B4GALT6: variants seen among roughly 807,000 people sequenced by gnomAD.
B4GALT6 encodes the protein beta-1,4-galactosyltransferase 6.
B4GALT6 carries 14 observed loss-of-function variants against 46.3 expected under a neutral mutation model. That is an observed-to-expected ratio of 0.30 (90% CI 0.20 to 0.47). The LOEUF is 0.47. Ranked by LOEUF, B4GALT6 falls within the 20% of genes least tolerant of loss-of-function variation. The probability of loss-of-function intolerance (pLI) is 0.99; values close to 1 mark genes in which losing one functional copy is unlikely to be tolerated. For missense variants in B4GALT6, 386 were observed against 480.1 expected, an observed-to-expected ratio of 0.80 and a Z score of 1.83; for synonymous variants, 168 against 162.0, an observed-to-expected ratio of 1.04 and a Z score of -0.28.
At chr18:31,638,118 C>T (rs2073883636) in intron 5 of B4GALT6, among the ~76,000 whole-genome samples, 1 of 152,110 alleles carries the variant, frequency 6.6e-6, no homozygotes, top group African/African-American at 2.4e-5. Flanking sequence ...TAAAATATAA[C>T]GAGGCTGTCA....
At chr18:31,678,931 T>C (rs926012532) in intron 1 of B4GALT6, among the ~76,000 whole-genome samples, 5 of 152,228 alleles carry the variant, frequency 3.3e-5, no homozygotes, top group Non-Finnish European at 5.9e-5. Flanking sequence ...CAGGACAACC[T>C]GTGAGAAACA....
intron 2 of B4GALT6, among the ~76,000 whole-genome samples, chr18:31,659,977 G>T (rs1348336067): frequency 2.1e-5 from 3 of 139,896 alleles, no homozygotes; most frequent in Non-Finnish European, 4.6e-5. Flanking sequence ...TTTTGAGACA[G>T]GATCTTGCTG....
At position 31,625,499 on chromosome 18, in the gene B4GALT6, G is replaced by T; in HGVS notation, c.*115C>A. 2.6e-6 allele frequency: 3 copies of T among 1,156,954 alleles called. No homozygotes were observed. Among genetic ancestry groups the T allele is most frequent in the Non-Finnish European group, 3.8e-6 (3 of 790,606 alleles). 71.7% of individuals were successfully genotyped at this position (1,156,954 alleles called of 1,614,324 possible). A position where few individuals can be genotyped will look rare whatever the true frequency, so the allele number is the denominator to read the frequency against. On this transcript the variant is annotated 3_prime_UTR_variant, in exon 9 of 9. Transcript: ENST00000306851. ...ACTCTGTAAACACTGTGGACTGCTG[G>T]CTCTTCTCAGAGAAAAGGGCACTGT... is the stretch of plus-strand genomic sequence containing the variant.
Position 31,631,200 on chromosome 18 carries a change from C to CTTTTTT in B4GALT6, c.589-60_589-55dup, listed in dbSNP as rs10657836. ...TAGAAATGTACTCACACTTCATCAT[C>CTTTTTT]TTTTTTTTTTTTTTTCTTTTTTTTG... On this transcript the variant is annotated intron_variant, in intron 5 of 8. Coordinates refer to ENST00000306851, the MANE Select transcript of B4GALT6 (RefSeq NM_004775.5). 4.0e-4 allele frequency: 457 copies of CTTTTTT among 1,148,518 alleles called. 1 individual carries two copies. In the African/African-American group the frequency reaches 7.5e-3, roughly 19 times the overall value. 71.1% of individuals were successfully genotyped at this position (1,148,518 alleles called of 1,614,324 possible). A position where few individuals can be genotyped will look rare whatever the true frequency, so the allele number is the denominator to read the frequency against.
chr18:31,669,376 C>T (rs1203836463), intron 1 of B4GALT6, among the ~76,000 whole-genome samples: 1 of 152,192 alleles, frequency 6.6e-6, no homozygotes, highest in Admixed American at 6.5e-5. Context: ...GCTGCCAGAG[C>T]AAGCACTCCC....
At chr18:31,714,178 T>C in the B4GALT6 span, among the ~76,000 whole-genome samples, 2 of 152,360 alleles carry the variant, frequency 1.3e-5, no homozygotes, top group East Asian at 1.9e-4. Context: ...TCAGTTGCAC[T>C]AGCCACATTT....
intron 4 of B4GALT6, among the ~76,000 whole-genome samples, chr18:31,640,513 A>G (rs1309674428): frequency 6.6e-6 from 1 of 152,228 alleles, no homozygotes; most frequent in Non-Finnish European, 1.5e-5. Flanking sequence ...CTGATGGGAT[A>G]GCAAAAACAA....
At chr18:31,678,599 T>G (rs1462996154) in intron 1 of B4GALT6, among the ~76,000 whole-genome samples, 1 of 152,246 alleles carries the variant, frequency 6.6e-6, no homozygotes, top group Non-Finnish European at 1.5e-5. Context: ...TTTCGGCAAG[T>G]GGCCATCTTC....
intron 4 of B4GALT6, among the ~76,000 whole-genome samples, chr18:31,644,625 G>A (rs1287174736): frequency 2.6e-5 from 4 of 152,190 alleles, no homozygotes; most frequent in South Asian, 4.1e-4. Context: ...AGTAACATTA[G>A]ATGAATATGC....
chr18:31,647,931 C>T (rs1174613001), intron 3 of B4GALT6, among the ~76,000 whole-genome samples: 1 of 152,142 alleles, frequency 6.6e-6, no homozygotes, highest in Non-Finnish European at 1.5e-5. Flanking sequence ...ATCTCTTTCG[C>T]GTACTCTTTT....
At chr18:31,691,290 T>TAC in the B4GALT6 span, among the ~76,000 whole-genome samples, 4 of 118,328 alleles carry the variant, frequency 3.4e-5, no homozygotes, top group African/African-American at 1.6e-4. Context: ...TACATAATTT[T>TAC]ACATATATAT....
At chr18:31,720,695 C>T in the B4GALT6 span, among the ~76,000 whole-genome samples, 4 of 152,274 alleles carry the variant, frequency 2.6e-5, no homozygotes, top group African/African-American at 7.2e-5. Flanking sequence ...TGAATTGGCA[C>T]GTGTGTCACC....
the B4GALT6 span, among the ~76,000 whole-genome samples, chr18:31,698,115 C>G: frequency 6.6e-6 from 1 of 152,186 alleles, no homozygotes; most frequent in African/African-American, 2.4e-5. Flanking sequence ...CTCTGCCTGT[C>G]TTTTGCCTTC....
chr18:31,648,107 C>A (rs1175489186), intron 3 of B4GALT6, among the ~76,000 whole-genome samples: 2 of 152,146 alleles, frequency 1.3e-5, no homozygotes, highest in Admixed American at 6.5e-5. Context: ...GCTGAGATTT[C>A]AAGGGCAACT....
chr18:31,664,114 GTTC>G (rs1158674581), intron 2 of B4GALT6, among the ~76,000 whole-genome samples: 1 of 152,202 alleles, frequency 6.6e-6, no homozygotes, highest in African/African-American at 2.4e-5. Context: ...TACCTTATTT[GTTC>G]TTCTTTGTTC....
At chr18:31,656,503 G>A (rs1022565599) in intron 3 of B4GALT6, among the ~76,000 whole-genome samples, 10 of 151,576 alleles carry the variant, frequency 6.6e-5, no homozygotes, top group Non-Finnish European at 1.3e-4. Flanking sequence ...TAATGATAAT[G>A]TATTATCTTC....
At chr18:31,702,524 G>T in the B4GALT6 span, among the ~76,000 whole-genome samples, 1 of 152,160 alleles carries the variant, frequency 6.6e-6, no homozygotes. Context: ...GCTCCCATTT[G>T]TATCTTTGGG....
chr18:31,645,767 A>G lies in B4GALT6; in HGVS notation c.347-288T>C, dbSNP rs573177125. ...ATTGAATAATTTAGTATTATTTGGA[A>G]AATGTTTGCATGTCATTATAACTTA... On this transcript the variant is annotated intron_variant, in intron 3 of 8. Transcript: ENST00000306851. 6.6e-4 allele frequency among the ~76,000 whole-genome samples: 100 copies of G among 152,328 alleles called. 1 individual carries two copies. The highest frequency in any genetic ancestry group is 2.8e-3 in the Admixed American group (43 of 15,296).
intron 1 of B4GALT6, among the ~76,000 whole-genome samples, chr18:31,681,236 GTT>G (rs1233065343): frequency 6.6e-6 from 1 of 152,204 alleles, no homozygotes; most frequent in African/African-American, 2.4e-5. Context: ...ATTAATAAAG[GTT>G]TCCTATTAAA....
Sources: allele counts gnomAD v4.1 joint callset (sites outside exome capture counted in the v4.1 genomes callset), GRCh38; gene constraint gnomAD v4.1.1; transcripts MANE v1.5; gene names NCBI Gene and HGNC (gene_info 2026-07-23, HGNC 2026-07-21).